Variants in BLK observed in about 807,000 individuals in gnomAD.
BLK encodes the protein BLK proto-oncogene, Src family tyrosine kinase, also known as tyrosine-protein kinase Blk.
In BLK, 64 loss-of-function variants were observed where a neutral mutation model predicts 61.8. The ratio of observed to expected loss-of-function variants is 1.03; its 90% CI spans 0.85 to 1.27. The LOEUF (loss-of-function observed/expected upper bound fraction) is 1.27. BLK is among the 50% of genes most tolerant of loss of function. The pLI is 0.00. For synonymous variants in BLK, 351 were observed against 272.0 expected (o/e 1.29, Z -2.86); for missense variants, 853 against 660.5 (o/e 1.29, Z -3.19).
chr8:11,527,929 G>C (rs1221371865), intron 1 of BLK, among the ~76,000 whole-genome samples: 2 of 152,138 alleles, frequency 1.3e-5, no homozygotes, highest in African/African-American at 2.4e-5. Context: ...CATTTTAGCA[G>C]AATTCAGGTC....
chr8:11,514,659 G>A (rs574751271), intron 1 of BLK, among the ~76,000 whole-genome samples: 45 of 152,166 alleles, frequency 3.0e-4, no homozygotes, highest in Admixed American at 1.3e-3. Context: ...CTCTGGGCTC[G>A]AGTAGCCCGT....
At chr8:11,553,582 TAC>T in intron 6 of BLK, 1 of 209,152 alleles carries the variant, frequency 4.8e-6, no homozygotes, top group Non-Finnish European at 9.9e-6. Context: ...AAGTGCAGCC[TAC>T]AAAATGGAGA....
Position 11,561,364 on chromosome 8 carries a change from C to A in BLK, c.1092C>A (p.Ala364=). The change falls in exon 11 of 13, where the codon GCC becomes GCA. Residue 364 remains alanine (A), a synonymous_variant. Transcript: ENST00000259089. The part of the protein sequence containing the change: ...MNSIHRDLRA[A]NILVSEALCC... ...CCATCCACCGCGACCTGCGGGCGGC[C>A]AACATCCTGGTGTCTGAGGCCTTGT... is the stretch of plus-strand genomic sequence containing the variant. The A allele has an allele frequency of 1.2e-6, 2 of 1,614,170 alleles. No individual in the cohort carries two copies. The highest frequency in any genetic ancestry group is 3.3e-5 in the Admixed American group (2 of 60,026).
chr8:11,564,372 A>C lies in BLK; in HGVS notation c.*264A>C, dbSNP rs1342076034. The C allele has an allele frequency of 3.2e-5, 22 of 679,050 alleles. No individual in the cohort carries two copies. Among genetic ancestry groups the C allele is most frequent in the African/African-American group, 1.8e-5 (1 of 56,746 alleles). 42.1% of individuals were successfully genotyped at this position (679,050 alleles called of 1,614,324 possible). A position where few individuals can be genotyped will look rare whatever the true frequency, so the allele number is the denominator to read the frequency against. On this transcript the variant is annotated 3_prime_UTR_variant, in exon 13 of 13. Coordinates refer to ENST00000259089, the MANE Select transcript of BLK (RefSeq NM_001715.3). ...CCTCGCACGGTCATCCGGAGTACTAAGCCCCAGTAAGGTGTTCAGGACTGG... is the reference window on the plus strand; with the variant it reads ...CCTCGCACGGTCATCCGGAGTACTACGCCCCAGTAAGGTGTTCAGGACTGG...
chr8:11,564,223 G>T lies in BLK; in HGVS notation c.*115G>T. The T allele has an allele frequency of 6.3e-6, 8 of 1,263,712 alleles. No homozygotes were observed. The South Asian group carries it at 7.8e-5, about 12-fold the overall frequency. The allele number at this position is 1,263,712 out of a possible 1,614,324, so 78.3% of individuals were successfully genotyped here. A position where few individuals can be genotyped will look rare whatever the true frequency, so the allele number is the denominator to read the frequency against. On this transcript the variant is annotated 3_prime_UTR_variant, in exon 13 of 13. Transcript: ENST00000259089. ...TCGCCTGTGCCCTTTTCTCAGACCC[G>T]GAATCCAGTGGGCAGAGGCAGCTTC...
intron 10 of BLK, chr8:11,560,324 T>C (rs939541753): frequency 1.4e-5 from 3 of 212,096 alleles, no homozygotes; most frequent in East Asian, 1.4e-4. Flanking sequence ...CATAGATGGA[T>C]GGATGGATGG....
At chr8:11,502,797 G>C (rs556087043) in intron 1 of BLK, among the ~76,000 whole-genome samples, 1 of 152,210 alleles carries the variant, frequency 6.6e-6, no homozygotes, top group Admixed American at 6.5e-5. Context: ...CTTGCCTCCT[G>C]GGCTCTCCTG....
intron 11 of BLK, among the ~76,000 whole-genome samples, chr8:11,561,994 T>G (rs576821668): frequency 1.3e-5 from 2 of 152,142 alleles, no homozygotes; most frequent in African/African-American, 2.4e-5. Context: ...AATTTTTGTA[T>G]GTTTAGTAGA....
intron 1 of BLK, among the ~76,000 whole-genome samples, chr8:11,538,845 G>T (rs1026964160): frequency 6.6e-6 from 1 of 152,148 alleles, no homozygotes; most frequent in Non-Finnish European, 1.5e-5. Context: ...GGCTGGCCCT[G>T]GCTCCAGGCC....
At chr8:11,528,489 G>A (rs1278946796) in intron 1 of BLK, among the ~76,000 whole-genome samples, 1 of 152,176 alleles carries the variant, frequency 6.6e-6, no homozygotes, top group South Asian at 2.1e-4. Flanking sequence ...TGCAAAGGTA[G>A]TTTCAATCCC....
chr8:11,563,814 G>A, intron 12 of BLK, 89 bp from the exon 13 acceptor site: 1 of 1,309,356 alleles, frequency 7.6e-7, no homozygotes, highest in South Asian at 1.3e-5. Context: ...CCCTTGCCTG[G>A]GCCCACTGTG....
rs200441033 is a variant in BLK at position 11,539,075 on chromosome 8, GT to G, written c.-1-4139del. Reference sequence around the variant, plus strand: ...CACACACCGTTTTTTAAGTCCGCTGGTTTTTTTTTTGTTTTGTTTTGCCTTA... The same window carrying G: ...CACACACCGTTTTTTAAGTCCGCTGGTTTTTTTTTGTTTTGTTTTGCCTTA... On this transcript the variant is annotated intron_variant, in intron 1 of 12. Transcript: ENST00000259089. 8.9e-3 allele frequency among the ~76,000 whole-genome samples: 1,320 copies of G among 148,266 alleles called. 9 individuals are homozygous for G. The highest frequency in any genetic ancestry group is 0.03 in the African/African-American group (1,226 of 40,452).
At chr8:11,561,495 C>A (rs371390075) in intron 11 of BLK, 43 bp downstream of exon 11, 8 of 1,603,214 alleles carry the variant, frequency 5.0e-6, no homozygotes, top group Admixed American at 1.7e-5. Context: ...AGGGCCTTAT[C>A]TTTCCCAGCT....
At chr8:11,499,904 G>A (rs1397870760) in intron 1 of BLK, among the ~76,000 whole-genome samples, 2 of 151,630 alleles carry the variant, frequency 1.3e-5, no homozygotes. Context: ...TTCTTTATCT[G>A]TTTTTCTATC....
chr8:11,534,304 A>T (rs1421319149), intron 1 of BLK, among the ~76,000 whole-genome samples: 2 of 152,232 alleles, frequency 1.3e-5, no homozygotes, highest in African/African-American at 4.8e-5. Flanking sequence ...TCAATACAAG[A>T]CACAACTGTA....
At chr8:11,518,735 G>T (rs952913193) in intron 1 of BLK, among the ~76,000 whole-genome samples, 1 of 152,118 alleles carries the variant, frequency 6.6e-6, no homozygotes, top group East Asian at 1.9e-4. Context: ...CATTTGGAAA[G>T]AAATCCCAAC....
Position 11,564,303 on chromosome 8 carries a change from C to A in BLK, c.*195C>A. The stretch of plus-strand genomic sequence containing the variant: ...CGACTGCACCCCCGGGCGAGTTACG[C>A]GGCCTCTCTGTGCCGCTTCATTTGT... On this transcript the variant is annotated 3_prime_UTR_variant, in exon 13 of 13. Transcript: ENST00000259089. 1 of 736,870 alleles carries A rather than the reference C, an allele frequency of 1.4e-6. No individual in the cohort carries two copies. The highest frequency in any genetic ancestry group is 2.4e-6 in the Non-Finnish European group (1 of 418,508). The allele number at this position is 736,870 out of a possible 1,614,324, so 45.6% of individuals were successfully genotyped here. A position where few individuals can be genotyped will look rare whatever the true frequency, so the allele number is the denominator to read the frequency against.
Position 11,548,066 on chromosome 8 carries a change from C to T in BLK, c.210C>T (p.Thr70=), listed in dbSNP as rs139297964. The change falls in exon 4 of 13, where the codon ACC becomes ACT. Residue 70 remains threonine (T), a synonymous_variant. Coordinates refer to ENST00000259089, the MANE Select transcript of BLK (RefSeq NM_001715.3). The part of the protein sequence containing the change: ...KHFVVALYDY[T]AMNDRDLQML... Reference sequence around the variant, plus strand: ...TCGTGGTGGCTCTGTATGACTACACCGCTATGAATGATCGGGACCTGCAGA... The same window carrying T: ...TCGTGGTGGCTCTGTATGACTACACTGCTATGAATGATCGGGACCTGCAGA... The T allele has an allele frequency of 4.0e-5, 64 of 1,613,954 alleles. No individual in the cohort carries two copies. The highest frequency in any genetic ancestry group is 2.8e-4 in the African/African-American group (21 of 74,898).
Position 11,564,223 on chromosome 8 carries a change from G to A in BLK, c.*115G>A. The stretch of plus-strand genomic sequence containing the variant: ...TCGCCTGTGCCCTTTTCTCAGACCC[G>A]GAATCCAGTGGGCAGAGGCAGCTTC... On this transcript the variant is annotated 3_prime_UTR_variant, in exon 13 of 13. Coordinates refer to ENST00000259089, the MANE Select transcript of BLK (RefSeq NM_001715.3). 1 of 1,263,712 alleles carries A rather than the reference G, an allele frequency of 7.9e-7. No homozygotes were observed. The highest frequency in any genetic ancestry group is 1.1e-6 in the Non-Finnish European group (1 of 902,650). The allele number at this position is 1,263,712 out of a possible 1,614,324, so 78.3% of individuals were successfully genotyped here. A position where few individuals can be genotyped will look rare whatever the true frequency, so the allele number is the denominator to read the frequency against.
Sources: gnomAD v4.1 joint callset for allele counts (sites outside exome capture counted in the v4.1 genomes callset) on GRCh38, gnomAD v4.1.1 for gene constraint, MANE v1.5 for transcripts, NCBI Gene and HGNC (gene_info 2026-07-23, HGNC 2026-07-21) for gene names.